ORC1: variants seen among roughly 807,000 people sequenced by gnomAD.
ORC1 encodes the protein origin recognition complex, subunit 1 homolog.
ORC1 carries 61 observed loss-of-function variants against 98.9 expected under a neutral mutation model. The ratio of observed to expected loss-of-function variants is 0.62; its 90% confidence interval spans 0.50 to 0.76. The LOEUF is 0.76. Ranked by LOEUF, ORC1 falls within the 30% of genes least tolerant of loss-of-function variation. The probability of loss-of-function intolerance (pLI) is 0.00; values close to 1 mark genes in which losing one functional copy is unlikely to be tolerated. For synonymous variants in ORC1, 385 were observed against 406.9 expected (o/e 0.95, Z 0.65); for missense variants, 979 against 1,072.2 (o/e 0.91, Z 1.21).
intron 3 of ORC1, among the ~76,000 whole-genome samples, chr1:52,398,604 C>T (rs995855104): frequency 1.3e-5 from 2 of 150,056 alleles, no homozygotes; most frequent in Admixed American, 6.6e-5. Context: ...TTTTTTGAGA[C>T]GGAGTCTCAC....
chr1:52,394,117 G>A (rs1215389194), intron 5 of ORC1, among the ~76,000 whole-genome samples: 1 of 152,154 alleles, frequency 6.6e-6, no homozygotes, highest in African/African-American at 2.4e-5. Flanking sequence ...TCTCAATCAG[G>A]GGTGACATCG....
chr1:52,407,670 C>T (rs936111036), upstream of ORC1, among the ~76,000 whole-genome samples: 2 of 152,192 alleles, frequency 1.3e-5, no homozygotes, highest in African/African-American at 4.8e-5. Flanking sequence ...CCTGTAATCC[C>T]AGCACTTTGG....
chr1:52,408,445 A>T (rs762347658), upstream of ORC1: 3 of 1,321,248 alleles, frequency 2.3e-6, no homozygotes, highest in African/African-American at 2.9e-5. Context: ...TACCTCCACA[A>T]TTGCAGCTTT....
chr1:52,397,691 A>C lies in ORC1; in HGVS notation c.396T>G (p.Leu132=). 6.2e-7 allele frequency: 1 copy of C among 1,614,144 alleles called. No homozygotes were observed. Among genetic ancestry groups the C allele is most frequent in the Non-Finnish European group, 8.5e-7 (1 of 1,179,978 alleles). ...GGATGGTGGCATCACCTACCCGAAC[A>C]AGGCCAATGATGGTCTCCGCATTAA... The part of the protein sequence containing the change: ...SNINAETIIG[L]VRVIPLAPKD... The change falls in exon 4 of 17, where the codon CTT becomes CTG. Residue 132 remains leucine (L), a synonymous_variant. Transcript: ENST00000371568.
At chr1:52,388,968 G>A (rs1423991582) in intron 7 of ORC1, among the ~76,000 whole-genome samples, 1 of 152,108 alleles carries the variant, frequency 6.6e-6, no homozygotes, top group Non-Finnish European at 1.5e-5. Flanking sequence ...ATGCTCTTAG[G>A]CACCCCATCC....
chr1:52,402,069 G>A, intron 2 of ORC1, 60 bp downstream of exon 2: 2 of 1,203,246 alleles, frequency 1.7e-6, no homozygotes, highest in Non-Finnish European at 2.5e-6. Context: ...CTAGATACAA[G>A]TTGACTGTTT....
chr1:52,401,218 G>A, intron 3 of ORC1, 144 bp downstream of exon 3: 2 of 1,026,622 alleles, frequency 1.9e-6, no homozygotes, highest in Non-Finnish European at 3.0e-6. Context: ...TTTTTTAGAT[G>A]GAAGAAGACG....
chr1:52,399,350 T>C (rs1268038614), intron 3 of ORC1, among the ~76,000 whole-genome samples: 1 of 151,800 alleles, frequency 6.6e-6, no homozygotes, highest in Non-Finnish European at 1.5e-5. Flanking sequence ...ATTGTCCAGG[T>C]GCGGCGGCTC....
At chr1:52,396,606 T>C (rs922016259) in intron 4 of ORC1, among the ~76,000 whole-genome samples, 1 of 152,214 alleles carries the variant, frequency 6.6e-6, no homozygotes, top group Non-Finnish European at 1.5e-5. Context: ...TGAAATAAAT[T>C]ATTCCTTTCA....
At chr1:52,398,144 A>G (rs756980477) in intron 3 of ORC1, among the ~76,000 whole-genome samples, 1 of 152,034 alleles carries the variant, frequency 6.6e-6, no homozygotes, top group Non-Finnish European at 1.5e-5. Context: ...TTGTATTTTC[A>G]GTAGAAACGA....
rs775440064 is a variant in ORC1 at position 52,383,931 on chromosome 1, T to C, written c.1762A>G (p.Thr588Ala). 4 of 1,614,030 alleles carry C rather than the reference T, an allele frequency of 2.5e-6. No homozygotes were observed. Among genetic ancestry groups the C allele is most frequent in the Admixed American group, 3.3e-5 (2 of 60,026 alleles). Residue 588 changes from threonine (T) to alanine (A), a missense_variant, in exon 12 of 17, where the codon ACA becomes GCA. Physicochemically the swap from Thr to Ala is moderately conservative, Grantham distance 58. Transcript: ENST00000371568. ...QVYVQILQKL[T>A]GQKATANHAA... is the part of the protein sequence containing the mutation. The stretch of plus-strand genomic sequence containing the variant: ...TGGTTGGCTGTTGCTTTTTGGCCTG[T>C]TAGCTTCTGCATTAGGAGAAACACA...
chr1:52,397,069 C>T (rs1245440559), intron 4 of ORC1, among the ~76,000 whole-genome samples: 2 of 152,196 alleles, frequency 1.3e-5, no homozygotes, highest in African/African-American at 2.4e-5. Flanking sequence ...GCTTTCTCTC[C>T]TTCACTCATT....
At chr1:52,385,763 G>A in intron 9 of ORC1, 89 bp downstream of exon 9, 2 of 843,294 alleles carry the variant, frequency 2.4e-6, no homozygotes, top group Non-Finnish European at 4.1e-6. Flanking sequence ...ACCTTTATTA[G>A]GTAGACCAGT....
chr1:52,377,845 C>G (rs919311555), intron 14 of ORC1, among the ~76,000 whole-genome samples: 5 of 151,666 alleles, frequency 3.3e-5, no homozygotes, highest in African/African-American at 1.2e-4. Flanking sequence ...ATAAGAAAAC[C>G]AAGCCACATA....
chr1:52,405,986 TTTTG>T, upstream of ORC1: 7 of 677,020 alleles, frequency 1.0e-5, no homozygotes, highest in Non-Finnish European at 1.8e-5. Flanking sequence ...AGTTTGTATT[TTTTG>T]TTTGTTTTTT....
chr1:52,405,927 A>C, upstream of ORC1: 1 of 1,084,802 alleles, frequency 9.2e-7, no homozygotes, highest in Non-Finnish European at 1.4e-6. Flanking sequence ...TACACAATGT[A>C]TCTCATTTCT....
intron 15 of ORC1, 126 bp from the exon 16 acceptor site, chr1:52,375,023 AT>A: frequency 1.4e-6 from 1 of 698,714 alleles, no homozygotes; most frequent in Non-Finnish European, 2.6e-6. Flanking sequence ...CTCCTATATT[AT>A]GTGGCAAGGA....
chr1:52,406,808 C>T (rs1648010113), upstream of ORC1, among the ~76,000 whole-genome samples: 2 of 152,154 alleles, frequency 1.3e-5, no homozygotes, highest in African/African-American at 4.8e-5. Flanking sequence ...AACTTTTAAT[C>T]CCTATTCTAC....
chr1:52,381,890 G>A (rs1348988753), intron 13 of ORC1, 129 bp from the exon 14 acceptor site: 9 of 848,498 alleles, frequency 1.1e-5, no homozygotes, highest in Non-Finnish European at 1.8e-5. Context: ...TTCATACCTA[G>A]ACTACCACTG....
Sources: allele counts gnomAD v4.1 joint callset (sites outside exome capture counted in the v4.1 genomes callset), GRCh38; gene constraint gnomAD v4.1.1; transcripts MANE v1.5; gene names NCBI Gene and HGNC (gene_info 2026-07-23, HGNC 2026-07-21).